Variants in GOLGA2 observed in about 807,000 individuals in gnomAD.
GOLGA2 encodes golgin A2.
In GOLGA2, 49 loss-of-function variants were observed where a neutral mutation model predicts 148.8. That is an observed-to-expected ratio of 0.33 (90% CI 0.26 to 0.42). The LOEUF (loss-of-function observed/expected upper bound fraction) is 0.42. Ranked by LOEUF, GOLGA2 falls within the 10% of genes least tolerant of loss-of-function variation. GOLGA2 has a pLI of 1.00. For synonymous variants in GOLGA2, 501 were observed against 511.8 expected (o/e 0.98, Z 0.28); for missense variants, 1,178 against 1,304.6 (o/e 0.90, Z 1.49).
chr9:128,270,051 T>C lies in GOLGA2; in HGVS notation c.289-1527A>G, dbSNP rs1830837982. The stretch of plus-strand genomic sequence containing the variant: ...TGGCACTCCTAGCAATGGACCCTGC[T>C]AGGCTTTAGGGCCCTCCTGGCATCT... On this transcript the variant is annotated intron_variant, in intron 3 of 26. Transcript: ENST00000611957. 2.0e-5 allele frequency among the ~76,000 whole-genome samples: 3 copies of C among 151,928 alleles called. No homozygotes were observed. The South Asian group carries it at 6.2e-4, about 31-fold the overall frequency.
intron 12 of GOLGA2, among the ~76,000 whole-genome samples, chr9:128,264,261 G>A (rs1007286673): frequency 2.7e-5 from 4 of 150,502 alleles, no homozygotes; most frequent in Non-Finnish European, 5.9e-5. Context: ...TTGAGATGGA[G>A]TCTCCATCTG....
Position 128,258,210 on chromosome 9 carries a change from A to C in GOLGA2, c.2290-12T>G. The stretch of plus-strand genomic sequence containing the variant: ...TTGAAAAATGCCACCTGCAGGCAAG[A>C]GGGGTGCATTCTTGTAGGAGGATAT... On this transcript the variant is annotated splice_polypyrimidine_tract_variant and intron_variant, in intron 22 of 26. Coordinates refer to ENST00000611957, the MANE Select transcript of GOLGA2 (RefSeq NM_001366244.2). The surrounding 1 kb of genome is among the most constrained non-coding windows in gnomAD (Gnocchi z 6.6). 1 of 1,567,396 alleles carries C rather than the reference A, an allele frequency of 6.4e-7. No homozygotes were observed. The highest frequency in any genetic ancestry group is 8.7e-7 in the Non-Finnish European group (1 of 1,155,362).
chr9:128,272,658 C>A (rs1831026146), intron 3 of GOLGA2, 127 bp downstream of exon 3: 1 of 231,454 alleles, frequency 4.3e-6, no homozygotes, highest in Non-Finnish European at 8.9e-6. Context: ...CGGACATAAA[C>A]AGGCGGAAGG....
intron 13 of GOLGA2, 101 bp from the exon 14 acceptor site, chr9:128,262,805 ACTGGAAGGAAC>A: frequency 9.0e-7 from 1 of 1,114,338 alleles, no homozygotes; most frequent in Non-Finnish European, 1.3e-6. Flanking sequence ...GAACTGTGGC[ACTGGAAGGAAC>A]CCCAGGAATC....
intron 1 of GOLGA2, chr9:128,275,375 A>C: frequency 7.8e-7 from 1 of 1,281,132 alleles, no homozygotes; most frequent in Non-Finnish European, 1.0e-6. Flanking sequence ...CCTAGGGGGA[A>C]CATCAGCGCG....
intron 2 of GOLGA2, 44 bp downstream of exon 2, chr9:128,273,806 C>A: frequency 6.2e-7 from 1 of 1,606,188 alleles, no homozygotes; most frequent in South Asian, 1.1e-5. Flanking sequence ...CTCTACTGCC[C>A]CTTGGGCCCC....
intron 12 of GOLGA2, among the ~76,000 whole-genome samples, chr9:128,263,566 C>T (rs1299069813): frequency 2.6e-5 from 4 of 152,026 alleles, no homozygotes; most frequent in East Asian, 1.9e-4. Context: ...TACAGGCCCC[C>T]GCCACCACAC....
In GOLGA2 at chr9:128,261,047, G is replaced by C. The variant is rs961135312; in HGVS notation, c.1420+125C>G. On this transcript the variant is annotated intron_variant, in intron 17 of 26. Coordinates refer to ENST00000611957, the MANE Select transcript of GOLGA2 (RefSeq NM_001366244.2). The surrounding 1 kb of genome is among the most constrained non-coding windows in gnomAD (Gnocchi z 5.7). ...GAGATGACGAGACTTGCCATCTCCT[G>C]GCACAGACCTCTTTCCCTCTGCCTC... is the stretch of plus-strand genomic sequence containing the variant. 1 of 779,144 alleles carries C rather than the reference G, an allele frequency of 1.3e-6. No individual in the cohort carries two copies. Among genetic ancestry groups the C allele is most frequent in the Non-Finnish European group, 2.3e-6 (1 of 440,610 alleles). The allele number at this position is 779,144 out of a possible 1,614,324, so 48.3% of individuals were successfully genotyped here.
Position 128,266,453 on chromosome 9 carries a change from C to T in GOLGA2, c.643-128G>A, listed in dbSNP as rs969648929. ...AAAGTTCTCAGACCCAATGGGAACA[C>T]GAACTGGTAAACTCTCCTCAGGCTC... On this transcript the variant is annotated intron_variant, in intron 8 of 26. Coordinates refer to ENST00000611957, the MANE Select transcript of GOLGA2 (RefSeq NM_001366244.2). This position sits in a 1 kb window ranked among gnomAD's most constrained non-coding sequence, Gnocchi z 4.2. 6.1e-5 allele frequency: 47 copies of T among 765,644 alleles called. No homozygotes were observed. Among genetic ancestry groups the T allele is most frequent in the African/African-American group, 5.7e-4 (33 of 58,248 alleles). 47.4% of individuals were successfully genotyped at this position (765,644 alleles called of 1,614,324 possible).
chr9:128,267,346 TG>T (rs561008678), intron 7 of GOLGA2, 72 bp from the exon 8 acceptor site: 22 of 1,296,098 alleles, frequency 1.7e-5, no homozygotes, highest in Non-Finnish European at 2.2e-5. Flanking sequence ...TCATTAGGGT[TG>T]GGGGGTGTGT....
rs957022595 is a variant in GOLGA2 at position 128,273,773 on chromosome 9, C to A, written c.207+77G>T. 7 of 1,536,248 alleles carry A rather than the reference C, an allele frequency of 4.6e-6. No individual in the cohort carries two copies. The Admixed American group carries it at 1.2e-4, about 27-fold the overall frequency. The stretch of plus-strand genomic sequence containing the variant: ...AACTCTTAATCAGTACCCAACAGTT[C>A]TTCCACAATCATAACAATTACCCTC... On this transcript the variant is annotated intron_variant, in intron 2 of 26. Coordinates refer to ENST00000611957, the MANE Select transcript of GOLGA2 (RefSeq NM_001366244.2).
chr9:128,257,204 G>C lies in GOLGA2; in HGVS notation c.2953C>G (p.Pro985Ala). 1 of 1,613,992 alleles carries C rather than the reference G, an allele frequency of 6.2e-7. No individual in the cohort carries two copies. Among genetic ancestry groups the C allele is most frequent in the Non-Finnish European group, 8.5e-7 (1 of 1,179,978 alleles). Residue 985 changes from proline to alanine, a missense_variant, in exon 27 of 27, where the codon CCC (proline) becomes GCC (alanine). Coordinates refer to ENST00000611957, the MANE Select transcript of GOLGA2 (RefSeq NM_001366244.2). This position sits in a 1 kb window ranked among gnomAD's most constrained non-coding sequence, Gnocchi z 8.0. ...AGCTGCATGATCTGCTGTGCAGTGGGGTTGTCACGGGGAGAACCCTCCCTG... is the reference window on the plus strand; with the variant it reads ...AGCTGCATGATCTGCTGTGCAGTGGCGTTGTCACGGGGAGAACCCTCCCTG... The part of the protein sequence containing the change: ...EAREGSPRDN[P>A]TAQQIMQLLR...
chr9:128,273,252 C>G (rs1177203663), intron 2 of GOLGA2, among the ~76,000 whole-genome samples: 2 of 152,166 alleles, frequency 1.3e-5, no homozygotes, highest in Admixed American at 6.6e-5. Flanking sequence ...ACAAAGGGGG[C>G]TCCAGCTAAA....
chr9:128,263,095 G>A lies in GOLGA2; in HGVS notation c.934-3C>T, dbSNP rs147809862. 1.8e-4 allele frequency: 293 copies of A among 1,600,358 alleles called. 1 individual carries two copies. In the African/African-American group the frequency reaches 3.7e-3, roughly 20 times the overall value. Reference sequence around the variant, plus strand: ...TCTTTGGTTAACTCCTTGTTGTACTGTAAATACAGAAAGGTTAAGTCAGGA... The same window carrying A: ...TCTTTGGTTAACTCCTTGTTGTACTATAAATACAGAAAGGTTAAGTCAGGA... On this transcript the variant is annotated splice_polypyrimidine_tract_variant and splice_region_variant and intron_variant, in intron 12 of 26. Transcript: ENST00000611957.
chr9:128,266,170 G>C lies in GOLGA2; in HGVS notation c.681+117C>G, dbSNP rs1362550902. 5 of 1,369,778 alleles carry C rather than the reference G, an allele frequency of 3.7e-6. No individual in the cohort carries two copies. The highest frequency in any genetic ancestry group is 4.2e-6 in the Non-Finnish European group (4 of 958,524). The allele number at this position is 1,369,778 out of a possible 1,614,324, so 84.9% of individuals were successfully genotyped here. A position where few individuals can be genotyped will look rare whatever the true frequency, so the allele number is the denominator to read the frequency against. On this transcript the variant is annotated intron_variant, in intron 9 of 26. Coordinates refer to ENST00000611957, the MANE Select transcript of GOLGA2 (RefSeq NM_001366244.2). The surrounding 1 kb of genome is among the most constrained non-coding windows in gnomAD (Gnocchi z 4.2). ...CCCTGTGGGGATGGGGTGGAATCTG[G>C]GGGGGTGAGCCTTCTTCCCCAGGCT...
rs1366013816 is a variant in GOLGA2 at position 128,271,981 on chromosome 9, T to A, written c.288+804A>T. On this transcript the variant is annotated intron_variant, in intron 3 of 26. Coordinates refer to ENST00000611957, the MANE Select transcript of GOLGA2 (RefSeq NM_001366244.2). The surrounding 1 kb of genome is among the most constrained non-coding windows in gnomAD (Gnocchi z 4.4). ...ATAGCTTCAATCCTTCCAACTATAATGTGAACTCATTTTCTTTTAACCCTT... is the reference window on the plus strand; with the variant it reads ...ATAGCTTCAATCCTTCCAACTATAAAGTGAACTCATTTTCTTTTAACCCTT... Among the ~76,000 whole-genome samples, 5 of 151,378 alleles carry A rather than the reference T, an allele frequency of 3.3e-5. No homozygotes were observed. The highest frequency in any genetic ancestry group is 1.2e-4 in the African/African-American group (5 of 41,148).
rs1372575800 is a variant in GOLGA2 at position 128,273,992 on chromosome 9, T to A, written c.85-20A>T. The A allele has an allele frequency of 1.2e-6, 2 of 1,608,318 alleles. No individual in the cohort carries two copies. The highest frequency in any genetic ancestry group is 3.3e-5 in the Admixed American group (2 of 59,716). On this transcript the variant is annotated intron_variant, in intron 1 of 26. Coordinates refer to ENST00000611957, the MANE Select transcript of GOLGA2 (RefSeq NM_001366244.2). Reference sequence around the variant, plus strand: ...TCTCAACTGTGGAAAAGAAGAGCAATAATATTCATGAGATCTACAAGCCCC... The same window carrying A: ...TCTCAACTGTGGAAAAGAAGAGCAAAAATATTCATGAGATCTACAAGCCCC...
chr9:128,272,260 G>A (rs1831003597), intron 3 of GOLGA2, among the ~76,000 whole-genome samples: 1 of 151,774 alleles, frequency 6.6e-6, no homozygotes, highest in African/African-American at 2.4e-5. Context: ...AAGGTGGGTG[G>A]ACCACTTGAG....
At chr9:128,263,616 C>A (rs904894865) in intron 12 of GOLGA2, among the ~76,000 whole-genome samples, 7 of 151,984 alleles carry the variant, frequency 4.6e-5, no homozygotes, top group Non-Finnish European at 7.4e-5. Context: ...GACGAGGTTT[C>A]ACTGTGTTAG....
Sources: gnomAD v4.1 joint callset for allele counts (sites outside exome capture counted in the v4.1 genomes callset) on GRCh38, gnomAD v4.1.1 for gene constraint, Gnocchi (gnomAD v3.1) non-coding constraint, MANE v1.5 for transcripts, NCBI Gene and HGNC (gene_info 2026-07-23, HGNC 2026-07-21) for gene names.